The following DLG2 variants were observed in gnomAD, a reference collection of about 807,000 sequenced individuals.
DLG2 encodes disks large homolog 2.
A neutral mutation model predicts 132.5 loss-of-function variants in DLG2; 45 were observed. The observed-to-expected ratio is 0.34, with a 90% CI of 0.27 to 0.44. The LOEUF is 0.44. Among genes scored for constraint, DLG2 ranks in the 20% least tolerant of loss-of-function variants. DLG2 has a pLI of 1.00. For missense variants in DLG2, 1,045 were observed against 1,196.9 expected (o/e 0.87, Z 1.87); for synonymous variants, 424 against 419.6 (o/e 1.01, Z -0.13).
chr11:83,530,965 A>C (rs2095727587), intron 21 of DLG2, among the ~76,000 whole-genome samples: 1 of 152,034 alleles, frequency 6.6e-6, no homozygotes, highest in African/African-American at 2.4e-5. Flanking sequence ...TCATATGCAA[A>C]AGAATGAAAT....
intron 14 of DLG2, among the ~76,000 whole-genome samples, chr11:83,959,504 C>A (rs1210354554): frequency 6.6e-6 from 1 of 152,058 alleles, no homozygotes; most frequent in African/African-American, 2.4e-5. Context: ...CAAAGTAGGT[C>A]TCAAACATAA....
intron 5 of DLG2, among the ~76,000 whole-genome samples, chr11:85,121,955 G>A (rs2074378085): frequency 6.6e-6 from 1 of 152,120 alleles, no homozygotes; most frequent in African/African-American, 2.4e-5. Flanking sequence ...AGAGTGTTGT[G>A]TGTGTGTGTA....
At chr11:83,526,143 A>G (rs1347391496) in intron 21 of DLG2, among the ~76,000 whole-genome samples, 1 of 152,188 alleles carries the variant, frequency 6.6e-6, no homozygotes, top group Admixed American at 6.5e-5. Flanking sequence ...CATAATCAAC[A>G]TCTGCTCTTA....
chr11:85,540,205 C>T (rs1366649587), intron 3 of DLG2, among the ~76,000 whole-genome samples: 1 of 152,194 alleles, frequency 6.6e-6, no homozygotes, highest in Non-Finnish European at 1.5e-5. Context: ...TAAGTGAGGA[C>T]AGCCACTCTT....
At chr11:83,818,813 G>C (rs911290937) in intron 17 of DLG2, among the ~76,000 whole-genome samples, 2 of 152,108 alleles carry the variant, frequency 1.3e-5, no homozygotes, top group African/African-American at 4.8e-5. Context: ...CTATGAATAT[G>C]AACGTAAAAA....
At chr11:84,917,772 C>T (rs755625068) in intron 6 of DLG2, among the ~76,000 whole-genome samples, 3 of 152,050 alleles carry the variant, frequency 2.0e-5, no homozygotes, top group African/African-American at 4.8e-5. Context: ...AAATCTAACA[C>T]GTTAAGTAGG....
intron 6 of DLG2, among the ~76,000 whole-genome samples, chr11:84,733,327 G>A (rs558009224): frequency 1.3e-4 from 20 of 152,098 alleles, no homozygotes; most frequent in Non-Finnish European, 2.4e-4. Context: ...TTTAATGATC[G>A]CCATTCTAAC....
chr11:84,187,022 G>A (rs888882897), intron 8 of DLG2, among the ~76,000 whole-genome samples: 15 of 151,640 alleles, frequency 9.9e-5, no homozygotes, highest in Admixed American at 4.6e-4. Flanking sequence ...TGTTAAGGGC[G>A]TTAATAAAGT....
chr11:84,418,157 A>G (rs1013852399), intron 7 of DLG2, among the ~76,000 whole-genome samples: 1 of 152,200 alleles, frequency 6.6e-6, no homozygotes, highest in Non-Finnish European at 1.5e-5. Flanking sequence ...TGGTGCTACC[A>G]TACGGCAGCA....
chr11:85,504,699 CT>C (rs1193138706), intron 3 of DLG2, among the ~76,000 whole-genome samples: 4 of 152,112 alleles, frequency 2.6e-5, no homozygotes, highest in African/African-American at 9.7e-5. Flanking sequence ...AATGCAGGCT[CT>C]TTTTTGATTC....
At chr11:85,267,796 G>A (rs1290249875) in intron 4 of DLG2, among the ~76,000 whole-genome samples, 2 of 151,914 alleles carry the variant, frequency 1.3e-5, no homozygotes, top group South Asian at 4.2e-4. Flanking sequence ...AAGCTACTTT[G>A]AACATTATTT....
chr11:85,163,753 C>G (rs1473647180), intron 4 of DLG2, among the ~76,000 whole-genome samples: 1 of 152,186 alleles, frequency 6.6e-6, no homozygotes, highest in Non-Finnish European at 1.5e-5. Flanking sequence ...TGAATAGGGT[C>G]TTCTTCCACC....
chr11:84,089,522 C>T (rs867386135), intron 10 of DLG2, among the ~76,000 whole-genome samples: 63 of 152,130 alleles, frequency 4.1e-4, no homozygotes, highest in African/African-American at 1.4e-3. Flanking sequence ...CAAAGGACAA[C>T]GTTGTTGTTT....
rs1424692618 is a variant in DLG2 at position 84,204,065 on chromosome 11, CT to C, written c.574-40555del. ...CTCTGCCTCCCAGGTTCAAGTGATTCTCCTGCCTCAGCCTCCCGAATAGCTG... is the reference window on the plus strand; with the variant it reads ...CTCTGCCTCCCAGGTTCAAGTGATTCCCTGCCTCAGCCTCCCGAATAGCTG... On this transcript the variant is annotated intron_variant, in intron 8 of 27. Transcript: ENST00000376104. Among the ~76,000 whole-genome samples the C allele has an allele frequency of 2.0e-5, 3 of 152,182 alleles. No homozygotes were observed. In the East Asian group the frequency reaches 5.8e-4, roughly 29 times the overall value.
intron 4 of DLG2, among the ~76,000 whole-genome samples, chr11:85,175,675 CT>C (rs1197026438): frequency 1.4e-4 from 22 of 152,270 alleles, no homozygotes; most frequent in Admixed American, 2.6e-4. Flanking sequence ...GTCAAATTAT[CT>C]TTCTTTGCAG....
At chr11:85,075,816 T>A (rs1415693206) in intron 6 of DLG2, among the ~76,000 whole-genome samples, 1 of 151,932 alleles carries the variant, frequency 6.6e-6, no homozygotes, top group Non-Finnish European at 1.5e-5. Context: ...TGCCAACTGA[T>A]CACAGTGGTA....
intron 18 of DLG2, among the ~76,000 whole-genome samples, chr11:83,771,207 T>G (rs2094377919): frequency 6.6e-6 from 1 of 152,222 alleles, no homozygotes; most frequent in South Asian, 2.1e-4. Flanking sequence ...TAGATAATTG[T>G]GTTTCTTTTA....
chr11:84,712,681 T>C (rs1213557138), intron 6 of DLG2, among the ~76,000 whole-genome samples: 2 of 152,106 alleles, frequency 1.3e-5, no homozygotes, highest in Non-Finnish European at 2.9e-5. Flanking sequence ...AAAAATCCAC[T>C]TATTTTATAG....
Position 85,108,781 on chromosome 11 carries a change from G to T in DLG2, c.357+2880C>A, listed in dbSNP as rs923639523. Among the ~76,000 whole-genome samples the T allele has an allele frequency of 8.6e-5, 13 of 151,850 alleles. No individual in the cohort carries two copies. In the South Asian group the frequency reaches 1.5e-3, roughly 17 times the overall value. On this transcript the variant is annotated intron_variant, in intron 6 of 27. Coordinates refer to ENST00000376104, the MANE Select transcript of DLG2 (RefSeq NM_001142699.3). ...TTAAACTATTTTCTTTTTCCTTTTG[G>T]TTGCAAGTAAATCAAAGAACAAACC...
Sources: gnomAD v4.1 joint callset for allele counts (sites outside exome capture counted in the v4.1 genomes callset) on GRCh38, gnomAD v4.1.1 for gene constraint, MANE v1.5 for transcripts, NCBI Gene and HGNC (gene_info 2026-07-23, HGNC 2026-07-21) for gene names.